PPP6R2: variants seen among roughly 807,000 people sequenced by gnomAD.
PPP6R2 encodes the protein serine/threonine-protein phosphatase 6 regulatory subunit 2.
Under a neutral mutation model 100.2 loss-of-function variants are expected in PPP6R2, and 62 were observed. The observed-to-expected ratio is 0.62, with a 90% confidence interval of 0.50 to 0.76. PPP6R2 has a LOEUF of 0.76. Among genes scored for constraint, PPP6R2 ranks in the 30% least tolerant of loss-of-function variants. The pLI is 0.00. For synonymous variants in PPP6R2, 525 were observed against 514.7 expected (o/e 1.02, Z -0.27); for missense variants, 1,142 against 1,276.3 (o/e 0.89, Z 1.60).
intron 2 of PPP6R2, among the ~76,000 whole-genome samples, chr22:50,377,473 AG>A (rs948951071): frequency 6.6e-6 from 1 of 151,998 alleles, no homozygotes; most frequent in African/African-American, 2.4e-5. Context: ...CAGTGTGTAC[AG>A]GTTTAATAAC....
intron 3 of PPP6R2, among the ~76,000 whole-genome samples, chr22:50,395,213 C>T (rs1253552869): frequency 2.6e-5 from 4 of 152,148 alleles, no homozygotes; most frequent in Non-Finnish European, 5.9e-5. Context: ...CATTGTCATT[C>T]GTGGTACCGT....
At chr22:50,414,789 A>C in intron 5 of PPP6R2, 100 bp downstream of exon 5, 1 of 1,343,114 alleles carries the variant, frequency 7.4e-7, no homozygotes, top group Non-Finnish European at 1.0e-6. Context: ...CCCGGCCCCC[A>C]TCTCTCCACC....
intron 1 of PPP6R2, among the ~76,000 whole-genome samples, chr22:50,368,042 GAGA>G (rs2049124624): frequency 6.6e-6 from 1 of 152,244 alleles, no homozygotes; most frequent in African/African-American, 2.4e-5. Context: ...CGGACAGAGA[GAGA>G]AGAGCTTACG....
chr22:50,416,202 T>G (rs1458898413), intron 6 of PPP6R2, 45 bp downstream of exon 6: 2 of 1,528,608 alleles, frequency 1.3e-6, no homozygotes, highest in Non-Finnish European at 1.8e-6. Flanking sequence ...TCCAGGCCTG[T>G]GCTGCCAGGT....
chr22:50,371,099 C>G (rs748519279), intron 1 of PPP6R2, among the ~76,000 whole-genome samples: 2 of 152,112 alleles, frequency 1.3e-5, no homozygotes, highest in Non-Finnish European at 2.9e-5. Context: ...GGACTTCATA[C>G]CTGACAACGC....
intron 1 of PPP6R2, among the ~76,000 whole-genome samples, chr22:50,348,682 G>A (rs2044297512): frequency 1.3e-5 from 2 of 152,140 alleles, no homozygotes; most frequent in South Asian, 4.1e-4. Flanking sequence ...TATCTTACAG[G>A]AGGGTCTGGA....
At chr22:50,355,666 G>C (rs1439480238) in intron 1 of PPP6R2, among the ~76,000 whole-genome samples, 2 of 150,828 alleles carry the variant, frequency 1.3e-5, no homozygotes, top group Admixed American at 1.3e-4. Context: ...GACTACAGGT[G>C]CCCGCCACCA....
intron 14 of PPP6R2, 111 bp from the exon 15 acceptor site, chr22:50,436,877 C>T (rs1427650974): frequency 1.2e-5 from 10 of 839,594 alleles, no homozygotes; most frequent in Non-Finnish European, 2.0e-5. Context: ...GAGTGATGTG[C>T]TGGGTGGGGT....
At chr22:50,334,036 A>G in the PPP6R2 span, among the ~76,000 whole-genome samples, 1 of 152,256 alleles carries the variant, frequency 6.6e-6, no homozygotes, top group African/African-American at 2.4e-5. Context: ...CAAATACTTT[A>G]ATACTTTCAC....
At chr22:50,377,901 C>G (rs560778460) in intron 2 of PPP6R2, among the ~76,000 whole-genome samples, 1 of 151,850 alleles carries the variant, frequency 6.6e-6, no homozygotes, top group Non-Finnish European at 1.5e-5. Context: ...CAGCTACTCA[C>G]GAGGCTGAGG....
At chr22:50,383,804 A>G (rs1438110615) in intron 2 of PPP6R2, among the ~76,000 whole-genome samples, 1 of 152,156 alleles carries the variant, frequency 6.6e-6, no homozygotes, top group Non-Finnish European at 1.5e-5. Context: ...TGGGAGGCTG[A>G]GGTGGGCGGA....
intron 3 of PPP6R2, among the ~76,000 whole-genome samples, chr22:50,400,177 TGAAA>T (rs1304279418): frequency 2.0e-5 from 3 of 152,268 alleles, no homozygotes; most frequent in South Asian, 2.1e-4. Context: ...AGGGCAGAAC[TGAAA>T]GAAAGACAGC....
chr22:50,393,280 G>A (rs897364841), intron 2 of PPP6R2: 1 of 524,756 alleles, frequency 1.9e-6, no homozygotes, highest in African/African-American at 2.1e-5. Context: ...AGCAAGATGG[G>A]GACGATGAGT....
intron 2 of PPP6R2, among the ~76,000 whole-genome samples, chr22:50,393,101 G>C (rs1365482742): frequency 6.6e-6 from 1 of 152,214 alleles, no homozygotes; most frequent in Non-Finnish European, 1.5e-5. Flanking sequence ...TGACATGTGA[G>C]ACACTAGGAA....
Position 50,418,952 on chromosome 22 carries a change from C to T in PPP6R2, c.704C>T (p.Pro235Leu). The T allele has an allele frequency of 6.2e-7, 1 of 1,613,722 alleles. No homozygotes were observed. Among genetic ancestry groups the T allele is most frequent in the East Asian group, 2.2e-5 (1 of 44,886 alleles). The change falls in exon 7 of 24, where the codon CCA becomes CTA. Residue 235 changes from proline (P) to leucine (L), a missense_variant. By Grantham distance (98) the Pro-to-Leu change is moderately conservative. Transcript: ENST00000612753. ...QGSQLQEALE[P>L]DPLLTALESQ... ...AGTCAGCTGCAAGAGGCTCTGGAGCCAGACCCGCTCCTCACAGCGCTGGAG... is the reference window on the plus strand; with the variant it reads ...AGTCAGCTGCAAGAGGCTCTGGAGCTAGACCCGCTCCTCACAGCGCTGGAG...
chr22:50,372,055 A>G lies in PPP6R2; in HGVS notation c.-112A>G, dbSNP rs1304386483. 6.6e-6 allele frequency: 1 copy of G among 152,132 alleles called. No homozygotes were observed. The highest frequency in any genetic ancestry group is 6.6e-5 in the Admixed American group (1 of 15,258). 9.4% of individuals were successfully genotyped at this position (152,132 alleles called of 1,614,324 possible). A position where few individuals can be genotyped will look rare whatever the true frequency, so the allele number is the denominator to read the frequency against. On this transcript the variant is annotated 5_prime_UTR_variant, in exon 2 of 24. Coordinates refer to ENST00000612753, the MANE Select transcript of PPP6R2 (RefSeq NM_001242898.2). The stretch of plus-strand genomic sequence containing the variant: ...TATAAATCTTCCACTGAATGAAAAA[A>G]ATTTTCTTAAAGCTGCATATACTCC...
chr22:50,341,246 C>T (rs1308355591), upstream of PPP6R2, among the ~76,000 whole-genome samples: 2 of 151,854 alleles, frequency 1.3e-5, no homozygotes, highest in Non-Finnish European at 2.9e-5. Flanking sequence ...TGTTCTGTTA[C>T]CCGGGCTGGA....
chr22:50,399,830 TGCCCAGGCCACA>T (rs1175205431), intron 3 of PPP6R2, among the ~76,000 whole-genome samples: 1 of 152,218 alleles, frequency 6.6e-6, no homozygotes, highest in South Asian at 2.1e-4. Flanking sequence ...GAGCACTGCC[TGCCCAGGCCACA>T]GCAGAGGGCG....
rs974841762 is a variant in PPP6R2 at position 50,414,346 on chromosome 22, C to T, written c.415-206C>T. Among the ~76,000 whole-genome samples the T allele has an allele frequency of 1.5e-4, 11 of 72,892 alleles. No individual in the cohort carries two copies. The South Asian group carries it at 6.1e-3, about 41-fold the overall frequency. The allele number at this position is 72,892 out of a possible 152,430, so 47.8% of individuals were successfully genotyped here. On this transcript the variant is annotated intron_variant, in intron 4 of 23. Transcript: ENST00000612753. The stretch of plus-strand genomic sequence containing the variant: ...CTGTGCAGTGGCCCCCCCCCCCCCC[C>T]CCCCGCCCAGACCCTCACATACACC...
Sources: allele counts gnomAD v4.1 joint callset (sites outside exome capture counted in the v4.1 genomes callset), GRCh38; gene constraint gnomAD v4.1.1; transcripts MANE v1.5; gene names NCBI Gene and HGNC (gene_info 2026-07-23, HGNC 2026-07-21).